The following SLC30A8 variants were observed in gnomAD, a reference collection of about 807,000 sequenced individuals.
SLC30A8 encodes proton-coupled zinc antiporter SLC30A8.
Under a neutral mutation model 36.9 loss-of-function variants are expected in SLC30A8, and 27 were observed. The observed-to-expected ratio is 0.73, with a 90% confidence interval of 0.54 to 1.01. SLC30A8 has a LOEUF of 1.01. SLC30A8 is among the 50% of genes least tolerant of loss of function. The pLI is 0.00. For synonymous variants in SLC30A8, 164 were observed against 172.4 expected (o/e 0.95, Z 0.38); for missense variants, 439 against 452.0 (o/e 0.97, Z 0.26).
intron 2 of SLC30A8, among the ~76,000 whole-genome samples, chr8:117,115,069 T>C (rs111468227): frequency 0.057 from 8,652 of 152,000 alleles, 650 homozygotes; most frequent in African/African-American, 0.17. Flanking sequence ...CCCCCATGCC[T>C]GGCTAATTTT....
At chr8:117,023,542 T>C (rs1230272931) in intron 1 of SLC30A8, among the ~76,000 whole-genome samples, 1 of 151,996 alleles carries the variant, frequency 6.6e-6, no homozygotes, top group Non-Finnish European at 1.5e-5. Flanking sequence ...TATGCAGCCA[T>C]GAAAAATGAT....
chr8:117,166,652 C>T (rs917078849), intron 6 of SLC30A8, among the ~76,000 whole-genome samples: 1 of 152,122 alleles, frequency 6.6e-6, no homozygotes, highest in African/African-American at 2.4e-5. Context: ...TTTAGTACCA[C>T]TGAAGGGATT....
intron 1 of SLC30A8, among the ~76,000 whole-genome samples, chr8:116,977,068 C>G (rs938497394): frequency 1.3e-5 from 2 of 150,918 alleles, no homozygotes; most frequent in African/African-American, 4.9e-5. Context: ...CTGCCTGTCT[C>G]AGCCTCCCAA....
chr8:117,012,619 G>C (rs549552155), intron 1 of SLC30A8, among the ~76,000 whole-genome samples: 195 of 151,472 alleles, frequency 1.3e-3, no homozygotes, highest in Admixed American at 2.8e-3. Context: ...GTGTCCTCTG[G>C]AGTTCCTGGA....
intron 2 of SLC30A8, among the ~76,000 whole-genome samples, chr8:117,124,631 G>A (rs186700778): frequency 9.7e-4 from 141 of 145,608 alleles, no homozygotes; most frequent in African/African-American, 3.3e-3. Flanking sequence ...GGGCAGAGAA[G>A]TCCTCCCTTG....
At chr8:117,164,706 CT>C (rs1394479455) in intron 6 of SLC30A8, among the ~76,000 whole-genome samples, 3 of 152,172 alleles carry the variant, frequency 2.0e-5, no homozygotes, top group African/African-American at 7.2e-5. Context: ...GTGTGGGCCT[CT>C]TATTAGAGAT....
chr8:116,976,902 C>G (rs1276142428), intron 1 of SLC30A8, among the ~76,000 whole-genome samples: 1 of 149,782 alleles, frequency 6.7e-6, no homozygotes, highest in Non-Finnish European at 1.5e-5. Flanking sequence ...CTGCAACCTC[C>G]ACCTCCTGGG....
intron 1 of SLC30A8, among the ~76,000 whole-genome samples, chr8:116,953,599 G>A (rs886708399): frequency 6.6e-6 from 1 of 152,012 alleles, no homozygotes; most frequent in African/African-American, 2.4e-5. Context: ...TCTACTTCCT[G>A]TATTACCTGG....
At chr8:116,964,758 C>T (rs1287713929) in intron 1 of SLC30A8, among the ~76,000 whole-genome samples, 1 of 152,224 alleles carries the variant, frequency 6.6e-6, no homozygotes, top group Non-Finnish European at 1.5e-5. Flanking sequence ...CTCATCATCT[C>T]TTATTAACCT....
At chr8:117,029,350 G>T (rs2130736965) in intron 1 of SLC30A8, among the ~76,000 whole-genome samples, 1 of 152,288 alleles carries the variant, frequency 6.6e-6, no homozygotes, top group Non-Finnish European at 1.5e-5. Context: ...CCTTCTAGTT[G>T]TGGGGGTTTA....
chr8:116,973,921 A>G (rs1456952153), intron 1 of SLC30A8, among the ~76,000 whole-genome samples: 1 of 152,244 alleles, frequency 6.6e-6, no homozygotes, highest in Admixed American at 6.5e-5. Flanking sequence ...CAAACCTGAC[A>G]AAAACAAGAA....
chr8:117,103,421 C>T (rs1819816267), intron 2 of SLC30A8, among the ~76,000 whole-genome samples: 1 of 152,084 alleles, frequency 6.6e-6, no homozygotes, highest in Non-Finnish European at 1.5e-5. Flanking sequence ...TTCAGCCTGT[C>T]ACTCTACCCT....
chr8:117,127,465 CATT>C (rs1820953464), intron 2 of SLC30A8, among the ~76,000 whole-genome samples: 1 of 151,932 alleles, frequency 6.6e-6, no homozygotes, highest in Admixed American at 6.6e-5. Context: ...TTGGAAGAGA[CATT>C]ATTTCTTGTG....
chr8:117,139,281 G>A (rs1010640345), intron 1 of SLC30A8, among the ~76,000 whole-genome samples: 1 of 152,030 alleles, frequency 6.6e-6, no homozygotes, highest in South Asian at 2.1e-4. Flanking sequence ...GGTTAATTGG[G>A]GTTATAAGAG....
chr8:116,966,622 G>A (rs1010454397), intron 1 of SLC30A8, among the ~76,000 whole-genome samples: 3 of 152,140 alleles, frequency 2.0e-5, no homozygotes, highest in African/African-American at 7.2e-5. Context: ...AGGTTCTCCA[G>A]GACTGATGAA....
intron 1 of SLC30A8, among the ~76,000 whole-genome samples, chr8:116,995,110 C>G (rs1448755762): frequency 6.6e-6 from 1 of 152,066 alleles, no homozygotes; most frequent in Non-Finnish European, 1.5e-5. Context: ...CAAAGCTGCC[C>G]TAGAAGAGAT....
chr8:116,984,938 A>G (rs893119604), intron 1 of SLC30A8, among the ~76,000 whole-genome samples: 4 of 152,022 alleles, frequency 2.6e-5, no homozygotes, highest in Admixed American at 6.6e-5. Flanking sequence ...GGCGTTAGAA[A>G]GTACCTTTTA....
chr8:116,982,348 C>A (rs1815297061), intron 1 of SLC30A8, among the ~76,000 whole-genome samples: 1 of 151,654 alleles, frequency 6.6e-6, no homozygotes, highest in Non-Finnish European at 1.5e-5. Flanking sequence ...TCCATAGATT[C>A]TTGGAGACTG....
At chr8:117,043,786 G>A (rs965177361) in intron 2 of SLC30A8, among the ~76,000 whole-genome samples, 4 of 152,108 alleles carry the variant, frequency 2.6e-5, no homozygotes, top group East Asian at 1.9e-4. Context: ...TGAAATCCAC[G>A]TAAATGAGAT....
Sources: gnomAD v4.1 joint callset for allele counts (sites outside exome capture counted in the v4.1 genomes callset) on GRCh38, gnomAD v4.1.1 for gene constraint, MANE v1.5 for transcripts, NCBI Gene and HGNC (gene_info 2026-07-23, HGNC 2026-07-21) for gene names.